SRRM4: variants seen among roughly 807,000 people sequenced by gnomAD.
SRRM4 encodes serine/arginine repetitive matrix protein 4.
In SRRM4, 33 loss-of-function variants were observed where a neutral mutation model predicts 68.9. The observed-to-expected ratio is 0.48, with a 90% confidence interval of 0.36 to 0.64. The LOEUF (loss-of-function observed/expected upper bound fraction) is 0.64. SRRM4 is among the 30% of genes least tolerant of loss of function. SRRM4 has a pLI of 0.00. For synonymous variants in SRRM4, 318 were observed against 318.8 expected (o/e 1.00, Z 0.03); for missense variants, 817 against 827.1 (o/e 0.99, Z 0.15).
chr12:119,006,275 A>G (rs1032601098), intron 1 of SRRM4, among the ~76,000 whole-genome samples: 1 of 152,038 alleles, frequency 6.6e-6, no homozygotes, highest in Non-Finnish European at 1.5e-5. Flanking sequence ...CTTTTGGTCT[A>G]CCAGGATCTG....
At chr12:119,013,579 A>T (rs1953462899) in intron 1 of SRRM4, among the ~76,000 whole-genome samples, 1 of 152,200 alleles carries the variant, frequency 6.6e-6, no homozygotes. Flanking sequence ...TTTTATATGA[A>T]AATACAATGT....
chr12:119,115,738 C>T (rs1410483863), intron 3 of SRRM4, among the ~76,000 whole-genome samples: 1 of 152,158 alleles, frequency 6.6e-6, no homozygotes, highest in Non-Finnish European at 1.5e-5. Context: ...TATTAAGATT[C>T]ACTAATTGAC....
rs534024398 is a variant in SRRM4 at position 119,156,730 on chromosome 12, C to T, written c.1768C>T (p.Arg590Trp). ...RSRSRSRSRSRSRSRSQSRSY... is the reference protein window; with the variant it reads ...RSRSRSRSRSWSRSRSQSRSY... ...CCGGAGCCGGAGCAGGAGCCGGAGC[C>T]GGAGCCGGAGCAGGAGCCAGAGCCG... The change falls in exon 13 of 13, where the codon CGG becomes TGG. Residue 590 changes from arginine (R) to tryptophan (W), a missense_variant. Transcript: ENST00000267260. 21 of 1,546,824 alleles carry T rather than the reference C, an allele frequency of 1.4e-5. No individual in the cohort carries two copies. The highest frequency in any genetic ancestry group is 1.8e-5 in the Non-Finnish European group (21 of 1,146,438).
At chr12:119,053,476 G>A (rs547772395) in intron 1 of SRRM4, among the ~76,000 whole-genome samples, 33 of 152,348 alleles carry the variant, frequency 2.2e-4, no homozygotes, top group Middle Eastern at 3.4e-3. Flanking sequence ...GGAAACCTAG[G>A]TTAAGAGCCA....
chr12:119,057,318 C>T (rs569356216), intron 1 of SRRM4, among the ~76,000 whole-genome samples: 3 of 152,302 alleles, frequency 2.0e-5, no homozygotes, highest in South Asian at 4.1e-4. Flanking sequence ...GCCCAGCATC[C>T]ACTAGCTATT....
intron 8 of SRRM4, among the ~76,000 whole-genome samples, chr12:119,135,827 T>C (rs993652244): frequency 5.9e-5 from 9 of 152,116 alleles, no homozygotes; most frequent in South Asian, 4.1e-4. Flanking sequence ...GACCTCAGAG[T>C]CCACATGTTT....
chr12:119,114,246 T>G (rs768067106), intron 2 of SRRM4, 32 bp from the exon 3 acceptor site: 2 of 1,590,980 alleles, frequency 1.3e-6, no homozygotes, highest in Non-Finnish European at 8.6e-7. Flanking sequence ...GAACCATGAG[T>G]TATCTAATGC....
At chr12:119,131,749 T>G (rs1045730876) in intron 8 of SRRM4, among the ~76,000 whole-genome samples, 3 of 152,192 alleles carry the variant, frequency 2.0e-5, no homozygotes, top group Admixed American at 6.5e-5. Context: ...TCCAATAAGA[T>G]AAAGTACGTG....
In SRRM4 at chr12:118,991,984, T is replaced by A. The variant is rs556346697; in HGVS notation, c.131+9971T>A. 3.9e-5 allele frequency among the ~76,000 whole-genome samples: 6 copies of A among 152,310 alleles called. No homozygotes were observed. In the South Asian group the frequency reaches 1.2e-3, roughly 32 times the overall value. ...TACACGTGGAGGGCTGAGGGATAGG[T>A]TTGATAACGTGCTTAACATATTGGA... On this transcript the variant is annotated intron_variant, in intron 1 of 12. Transcript: ENST00000267260.
intron 2 of SRRM4, among the ~76,000 whole-genome samples, chr12:119,108,919 A>G (rs1009551522): frequency 1.3e-5 from 2 of 152,148 alleles, no homozygotes; most frequent in Non-Finnish European, 2.9e-5. Flanking sequence ...CCTAGCATTG[A>G]CGGTCTTTAC....
At position 118,986,109 on chromosome 12, in the gene SRRM4, G is replaced by GA. The variant is rs562632559; in HGVS notation, c.131+4105dup. ...CTGCATAAAGGGAAATTGTAAGGCA[G>GA]AAAAAAAAATGCCTTTGAACCATTT... On this transcript the variant is annotated intron_variant, in intron 1 of 12. Coordinates refer to ENST00000267260, the MANE Select transcript of SRRM4 (RefSeq NM_194286.4). Among the ~76,000 whole-genome samples, 43 of 151,218 alleles carry GA rather than the reference G, an allele frequency of 2.8e-4. No individual in the cohort carries two copies. The South Asian group carries it at 4.4e-3, about 15-fold the overall frequency.
chr12:118,982,613 G>T (rs1180512720), intron 1 of SRRM4, among the ~76,000 whole-genome samples: 3 of 151,394 alleles, frequency 2.0e-5, no homozygotes, highest in African/African-American at 7.3e-5. Context: ...CTGAGCTCAG[G>T]AGTCAGGGAG....
At chr12:119,117,870 C>T (rs1257487631) in intron 4 of SRRM4, among the ~76,000 whole-genome samples, 5 of 152,126 alleles carry the variant, frequency 3.3e-5, no homozygotes, top group Non-Finnish European at 7.3e-5. Context: ...CGAGATCGCT[C>T]CATTGCACTC....
At chr12:119,012,223 G>A (rs1027503314) in intron 1 of SRRM4, among the ~76,000 whole-genome samples, 2 of 152,146 alleles carry the variant, frequency 1.3e-5, no homozygotes, top group African/African-American at 2.4e-5. Context: ...CGTGCAGCAA[G>A]GGTTTATAAT....
rs76475636 is a variant in SRRM4, at chr12:119,015,146, G to T, written c.131+33133G>T. On this transcript the variant is annotated intron_variant, in intron 1 of 12. Coordinates refer to ENST00000267260, the MANE Select transcript of SRRM4 (RefSeq NM_194286.4). ...GTTTGTTGAGTGAAAAATGGCAGCC[G>T]CAGGTAGATATGGAGACAGTATGAC... Among the ~76,000 whole-genome samples, 554 of 152,280 alleles carry T rather than the reference G, an allele frequency of 3.6e-3. 3 individuals carry two copies. Among genetic ancestry groups the T allele is most frequent in the African/African-American group, 0.012 (505 of 41,566 alleles).
At position 119,162,176 on chromosome 12, in the gene SRRM4, C is replaced by G. The variant is rs749287835; in HGVS notation, c.*5378C>G. ...TATTGTCTCTTGTGTCTTCTGCTGA[C>G]TGCAGATTAAAGGGTGTCAACCAAG... On this transcript the variant is annotated 3_prime_UTR_variant, in exon 13 of 13. Transcript: ENST00000267260. 7.2e-5 allele frequency: 11 copies of G among 152,188 alleles called. No individual in the cohort carries two copies. Among genetic ancestry groups the G allele is most frequent in the Non-Finnish European group, 1.3e-4 (9 of 68,042 alleles). 9.4% of individuals were successfully genotyped at this position (152,188 alleles called of 1,614,324 possible).
At chr12:119,125,113 G>A (rs2136054708) in intron 6 of SRRM4, among the ~76,000 whole-genome samples, 1 of 152,182 alleles carries the variant, frequency 6.6e-6, no homozygotes, top group Non-Finnish European at 1.5e-5. Context: ...TGTCATCTGG[G>A]GAGCAGGGAG....
At chr12:119,003,890 T>C (rs1256830722) in intron 1 of SRRM4, among the ~76,000 whole-genome samples, 3 of 152,032 alleles carry the variant, frequency 2.0e-5, no homozygotes, top group African/African-American at 7.2e-5. Flanking sequence ...TATTACTAAA[T>C]TGTCATATGA....
At chr12:119,002,083 A>G (rs1258512689) in intron 1 of SRRM4, among the ~76,000 whole-genome samples, 1 of 151,858 alleles carries the variant, frequency 6.6e-6, no homozygotes, top group African/African-American at 2.4e-5. Flanking sequence ...GTTCTTACCC[A>G]TTAGACCACA....
Sources: allele counts gnomAD v4.1 joint callset (sites outside exome capture counted in the v4.1 genomes callset), GRCh38; gene constraint gnomAD v4.1.1; transcripts MANE v1.5; gene names NCBI Gene and HGNC (gene_info 2026-07-23, HGNC 2026-07-21).